PCDHGA2: variants seen among roughly 807,000 people sequenced by gnomAD.
The protein encoded by PCDHGA2 is protocadherin gamma-A2.
PCDHGA2 carries 40 observed loss-of-function variants against 59.2 expected under a neutral mutation model. That is an observed-to-expected ratio of 0.68 (90% CI 0.52 to 0.88). The LOEUF is 0.88. Ranked by LOEUF, PCDHGA2 falls within the 40% of genes least tolerant of loss-of-function variation. The pLI is 0.00. For synonymous variants in PCDHGA2, 560 were observed against 526.0 expected, an observed-to-expected ratio of 1.06 and a Z score of -0.89; for missense variants, 1,226 against 1,204.0, an observed-to-expected ratio of 1.02 and a Z score of -0.27.
intron 1 of PCDHGA2, among the ~76,000 whole-genome samples, chr5:141,467,665 G>T (rs1205474808): frequency 4.6e-5 from 7 of 152,040 alleles, no homozygotes; most frequent in Non-Finnish European, 1.0e-4. Flanking sequence ...AGTGCCAGAA[G>T]ATTTTTATTT....
At position 141,490,076 on chromosome 5, in the gene PCDHGA2, A is replaced by G. The variant is rs1025569516; in HGVS notation, c.2425-4731A>G. 2.5e-6 allele frequency: 4 copies of G among 1,614,240 alleles called. No homozygotes were observed. The highest frequency in any genetic ancestry group is 1.3e-5 in the African/African-American group (1 of 75,070). Reference sequence around the variant, plus strand: ...GAGGGCACCAACGGCCAACTAGACTATTCTTTTGGAGACCACACATCTGAG... The same window carrying G: ...GAGGGCACCAACGGCCAACTAGACTGTTCTTTTGGAGACCACACATCTGAG... On this transcript the variant is annotated intron_variant, in intron 1 of 3. Coordinates refer to ENST00000394576, the MANE Select transcript of PCDHGA2 (RefSeq NM_018915.4). The surrounding 1 kb of genome is among the most constrained non-coding windows in gnomAD (Gnocchi z 5.4).
At chr5:141,376,280 G>A (rs1366103411) in intron 1 of PCDHGA2, 4 of 1,614,226 alleles carry the variant, frequency 2.5e-6, no homozygotes, top group Admixed American at 1.7e-5. Context: ...AGGTGGCTTA[G>A]CGAGCATGCC....
rs1304554303 is a variant in PCDHGA2, at chr5:141,403,611, C to G, written c.2424+62216C>G. 3 of 1,613,860 alleles carry G rather than the reference C, an allele frequency of 1.9e-6. No homozygotes were observed. The highest frequency in any genetic ancestry group is 2.5e-6 in the Non-Finnish European group (3 of 1,179,892). Reference sequence around the variant, plus strand: ...CTCACGGCCTCGGATGGCGGCGAGCCGCGTCGCTCCAGCACAGTGCGCATC... The same window carrying G: ...CTCACGGCCTCGGATGGCGGCGAGCGGCGTCGCTCCAGCACAGTGCGCATC... On this transcript the variant is annotated intron_variant, in intron 1 of 3. Transcript: ENST00000394576.
rs930695301 is a variant in PCDHGA2, at chr5:141,472,874, T to C, written c.2425-21933T>C. On this transcript the variant is annotated intron_variant, in intron 1 of 3. Coordinates refer to ENST00000394576, the MANE Select transcript of PCDHGA2 (RefSeq NM_018915.4). ...GGTGGCACATGCCTGTATTCCCAGC[T>C]ACTCGGGAGGCTGAGGCAGGAGAAT... Among the ~76,000 whole-genome samples, 5 of 150,448 alleles carry C rather than the reference T, an allele frequency of 3.3e-5. No homozygotes were observed. In the Admixed American group the frequency reaches 3.3e-4, roughly 10 times the overall value.
At position 141,485,221 on chromosome 5, in the gene PCDHGA2, C is replaced by A; in HGVS notation, c.2425-9586C>A. 4 of 1,614,118 alleles carry A rather than the reference C, an allele frequency of 2.5e-6. No individual in the cohort carries two copies. The highest frequency in any genetic ancestry group is 2.2e-5 in the East Asian group (1 of 44,868). ...GGACAGAAATCTGGCGGTGGGCTAC[C>A]CTTTTGTTCCTCTTTTACCACCTGG... On this transcript the variant is annotated intron_variant, in intron 1 of 3. Coordinates refer to ENST00000394576, the MANE Select transcript of PCDHGA2 (RefSeq NM_018915.4). The surrounding 1 kb of genome is among the most constrained non-coding windows in gnomAD (Gnocchi z 5.7).
At chr5:141,364,475 GC>G in intron 1 of PCDHGA2, 1 of 1,614,016 alleles carries the variant, frequency 6.2e-7, no homozygotes, top group Non-Finnish European at 8.5e-7. Context: ...CGGCAACATA[GC>G]CAAGGACCTT....
At chr5:141,463,401 A>T (rs57406832) in intron 1 of PCDHGA2, among the ~76,000 whole-genome samples, 25,027 of 149,108 alleles carry the variant, frequency 0.17, 2,158 homozygotes, top group South Asian at 0.22. Context: ...GGCAAAAAAA[A>T]TGGAGATCCT....
chr5:141,449,147 G>T (rs2098630156), intron 1 of PCDHGA2, among the ~76,000 whole-genome samples: 1 of 152,110 alleles, frequency 6.6e-6, no homozygotes, highest in African/African-American at 2.4e-5. Flanking sequence ...AAATTGCTGG[G>T]TCAAAGAGGA....
At chr5:141,454,796 ATTTTTTTTTTTT>A (rs61612330) in intron 1 of PCDHGA2, among the ~76,000 whole-genome samples, 76 of 77,462 alleles carry the variant, frequency 9.8e-4, no homozygotes, top group African/African-American at 3.9e-3. Flanking sequence ...CATGGTTCTA[ATTTTTTTTTTTT>A]TTTTTTTTTT....
intron 1 of PCDHGA2, chr5:141,421,970 A>G (rs2096615419): frequency 1.2e-6 from 2 of 1,610,810 alleles, no homozygotes; most frequent in Non-Finnish European, 1.7e-6. Context: ...CAGTCCGTAT[A>G]TCGCGTGAGT....
chr5:141,368,767 T>G (rs1195016367), intron 1 of PCDHGA2, among the ~76,000 whole-genome samples: 1 of 152,172 alleles, frequency 6.6e-6, no homozygotes, highest in East Asian at 1.9e-4. Context: ...ATCTTTAGTT[T>G]TATATGTGTT....
chr5:141,403,262 G>C (rs1162911439), intron 1 of PCDHGA2: 1 of 1,613,868 alleles, frequency 6.2e-7, no homozygotes, highest in Middle Eastern at 1.6e-4. Context: ...GCGGTGTCTG[G>C]TGAACTTTAA....
At chr5:141,415,176 C>G (rs773987499) in intron 1 of PCDHGA2, 17 of 1,613,816 alleles carry the variant, frequency 1.1e-5, no homozygotes, top group Non-Finnish European at 5.1e-6. Flanking sequence ...TCACCGTGGC[C>G]GTGGCCGACA....
rs2099745591 is a variant in PCDHGA2, at chr5:141,492,999, T to C, written c.2425-1808T>C. Among the ~76,000 whole-genome samples, 3 of 152,350 alleles carry C rather than the reference T, an allele frequency of 2.0e-5. No homozygotes were observed. In the South Asian group the frequency reaches 6.2e-4, roughly 32 times the overall value. ...CTGTCTCCTCTGGCAGATGGAAAGCTATAGGCTCTGCCAGATGCCAGGGTG... is the reference window on the plus strand; with the variant it reads ...CTGTCTCCTCTGGCAGATGGAAAGCCATAGGCTCTGCCAGATGCCAGGGTG... On this transcript the variant is annotated intron_variant, in intron 1 of 3. Coordinates refer to ENST00000394576, the MANE Select transcript of PCDHGA2 (RefSeq NM_018915.4).
intron 1 of PCDHGA2, chr5:141,430,922 G>A: frequency 1.2e-6 from 2 of 1,607,168 alleles, no homozygotes; most frequent in South Asian, 2.2e-5. Context: ...CCTGGGGCTG[G>A]AGCCCCGGGA....
intron 1 of PCDHGA2, chr5:141,395,603 G>C: frequency 5.0e-6 from 1 of 198,204 alleles, no homozygotes; most frequent in Non-Finnish European, 1.0e-5. Context: ...TCCCAAACTA[G>C]AACTTCAGAA....
At chr5:141,457,432 C>G (rs982456249) in intron 1 of PCDHGA2, among the ~76,000 whole-genome samples, 1 of 152,172 alleles carries the variant, frequency 6.6e-6, no homozygotes, top group Non-Finnish European at 1.5e-5. Context: ...TCCCCCCCAC[C>G]AAGCTGCAGA....
In PCDHGA2 at chr5:141,340,928, CCT is replaced by C. The variant is rs747250262; in HGVS notation, c.1963_1964del (p.Ser655ArgfsTer131). 6.2e-7 allele frequency: 1 copy of C among 1,613,870 alleles called. No individual in the cohort carries two copies. Among genetic ancestry groups the C allele is most frequent in the Non-Finnish European group, 8.5e-7 (1 of 1,179,950 alleles). Reference sequence around the variant, plus strand: ...GGCCATCCAGGACCACGGCCAGCCCCCTCTCTCCGCCACTGTCACGCTCACCG... The same window carrying C: ...GGCCATCCAGGACCACGGCCAGCCCCCTCTCCGCCACTGTCACGCTCACCG... ...VVAIQDHGQP[P>X]LSATVTLTVA... On this transcript the variant is annotated frameshift_variant, in exon 1 of 4. Coordinates refer to ENST00000394576, the MANE Select transcript of PCDHGA2 (RefSeq NM_018915.4). LOFTEE classifies it high-confidence loss of function.
chr5:141,374,178 G>C (rs1268452204), intron 1 of PCDHGA2: 2 of 1,613,614 alleles, frequency 1.2e-6, no homozygotes, highest in East Asian at 2.2e-5. Flanking sequence ...GCGCAGATCC[G>C]CTACTCTATT....
Sources: allele counts gnomAD v4.1 joint callset (sites outside exome capture counted in the v4.1 genomes callset), GRCh38; gene constraint gnomAD v4.1.1; non-coding constraint Gnocchi (gnomAD v3.1); transcripts MANE v1.5; gene names NCBI Gene and HGNC (gene_info 2026-07-23, HGNC 2026-07-21).